The following BBS7 variants were observed in gnomAD, a reference collection of about 807,000 sequenced individuals.
BBS7 encodes the protein Bardet-Biedl syndrome 7.
Under a neutral mutation model 90.3 loss-of-function variants are expected in BBS7, and 50 were observed. The observed-to-expected ratio is 0.55, with a 90% CI of 0.44 to 0.70. The LOEUF (loss-of-function observed/expected upper bound fraction) is 0.70. BBS7 is among the 30% of genes least tolerant of loss of function. The pLI, the probability that BBS7 is intolerant of heterozygous loss-of-function variation, is 0.00. For missense variants in BBS7, 729 were observed against 838.9 expected (o/e 0.87, Z 1.62); for synonymous variants, 235 against 287.4 (o/e 0.82, Z 1.85).
rs548020763 is a variant in BBS7 at position 121,825,987 on chromosome 4, A to G, written c.2021T>C (p.Ile674Thr). Residue 674 changes from isoleucine (I) to threonine (T), a missense_variant, in exon 19 of 19, where the codon ATC becomes ACC. Transcript: ENST00000264499. Reference protein sequence around the residue: ...PAHLERLYGMITDLFIDKFKF... With the variant: ...PAHLERLYGMTTDLFIDKFKF... Reference sequence around the variant, plus strand: ...AAATTTATCTATGAAAAGATCAGTGATCATGCCTTTAAAGAAAAAACATAA... The same window carrying G: ...AAATTTATCTATGAAAAGATCAGTGGTCATGCCTTTAAAGAAAAAACATAA... 5.0e-6 allele frequency: 8 copies of G among 1,597,568 alleles called. No individual in the cohort carries two copies. The highest frequency in any genetic ancestry group is 2.2e-5 in the South Asian group (2 of 90,672).
At chr4:121,864,808 A>G (rs1433202283) in intron 2 of BBS7, among the ~76,000 whole-genome samples, 1 of 152,174 alleles carries the variant, frequency 6.6e-6, no homozygotes, top group Non-Finnish European at 1.5e-5. Context: ...TTCGTGGGGT[A>G]CATAGCAATG....
At chr4:121,843,095 G>C (rs2149065864) in intron 12 of BBS7, among the ~76,000 whole-genome samples, 1 of 152,258 alleles carries the variant, frequency 6.6e-6, no homozygotes, top group Middle Eastern at 3.4e-3. Context: ...AAGAACTTCA[G>C]TTTGGCAGAA....
At chr4:121,865,817 C>T (rs1727237520) in intron 2 of BBS7, among the ~76,000 whole-genome samples, 1 of 152,184 alleles carries the variant, frequency 6.6e-6, no homozygotes, top group Non-Finnish European at 1.5e-5. Flanking sequence ...GATGTACTAT[C>T]CCACCAATGG....
At chr4:121,859,856 T>C (rs1227106394) in intron 4 of BBS7, among the ~76,000 whole-genome samples, 1 of 152,112 alleles carries the variant, frequency 6.6e-6, no homozygotes. Flanking sequence ...ATTTAGTCAA[T>C]AGTCATAACT....
At chr4:121,843,870 C>G (rs975595930) in intron 12 of BBS7, 57 bp downstream of exon 12, 1 of 1,171,942 alleles carries the variant, frequency 8.5e-7, no homozygotes, top group Non-Finnish European at 1.3e-6. Flanking sequence ...AGACTTTAAT[C>G]AAAATGGCAT....
At chr4:121,833,812 G>A (rs978870023) in intron 14 of BBS7, among the ~76,000 whole-genome samples, 2 of 151,660 alleles carry the variant, frequency 1.3e-5, no homozygotes, top group African/African-American at 4.8e-5. Context: ...CAAAGTGCTG[G>A]GATTACAGGT....
rs7694815 is a variant in BBS7, at chr4:121,855,300, C to T, written c.601+189G>A. ...GCCAGCCTGGGAGACAGAGTGAGACCCTGCCCCCCAGCCCCCCAAAAAAGA... is the reference window on the plus strand; with the variant it reads ...GCCAGCCTGGGAGACAGAGTGAGACTCTGCCCCCCAGCCCCCCAAAAAAGA... On this transcript the variant is annotated intron_variant, in intron 6 of 18. Transcript: ENST00000264499. The T allele has an allele frequency of 0.058, 32,523 of 562,332 alleles. 4,537 individuals carry two copies. Among genetic ancestry groups the T allele is most frequent in the African/African-American group, 0.4 (21,078 of 53,138 alleles). The allele number at this position is 562,332 out of a possible 1,614,324, so 34.8% of individuals were successfully genotyped here. A position where few individuals can be genotyped will look rare whatever the true frequency, so the allele number is the denominator to read the frequency against.
intron 10 of BBS7, 139 bp from the exon 11 acceptor site, chr4:121,845,835 G>A: frequency 1.3e-6 from 1 of 758,922 alleles, no homozygotes; most frequent in Non-Finnish European, 2.1e-6. Context: ...AACAAAGGGA[G>A]CAAAATTTTT....
At chr4:121,866,329 C>CT (rs575650962) in intron 2 of BBS7, among the ~76,000 whole-genome samples, 4 of 151,792 alleles carry the variant, frequency 2.6e-5, no homozygotes, top group African/African-American at 9.7e-5. Context: ...ACATTTAGGT[C>CT]TTTTTTTGTT....
Position 121,865,232 on chromosome 4 carries a change from CT to C in BBS7, c.103-1954del, listed in dbSNP as rs1186104901. ...TTACTGCAAATGATAGGATTTCATTCTTCTCTCTCTTTTTTTTTTTTTTGAG... is the reference window on the plus strand; with the variant it reads ...TTACTGCAAATGATAGGATTTCATTCTCTCTCTCTTTTTTTTTTTTTTGAG... On this transcript the variant is annotated intron_variant, in intron 2 of 18. Transcript: ENST00000264499. Among the ~76,000 whole-genome samples the C allele has an allele frequency of 3.1e-5, 4 of 129,102 alleles. No homozygotes were observed. In the East Asian group the frequency reaches 9.2e-4, roughly 30 times the overall value. 84.7% of individuals were successfully genotyped at this position (129,102 alleles called of 152,430 possible). A position where few individuals can be genotyped will look rare whatever the true frequency, so the allele number is the denominator to read the frequency against.
intron 1 of BBS7, among the ~76,000 whole-genome samples, chr4:121,869,617 C>A (rs1727474147): frequency 6.6e-6 from 1 of 152,182 alleles, no homozygotes; most frequent in African/African-American, 2.4e-5. Flanking sequence ...CAGCTCACTG[C>A]AGCCTCCGCC....
chr4:121,833,288 C>T lies in BBS7; in HGVS notation c.1619G>A (p.Cys540Tyr). The change falls in exon 15 of 19, where the codon TGT becomes TAT. Residue 540 changes from cysteine to tyrosine, a missense_variant. Coordinates refer to ENST00000264499, the MANE Select transcript of BBS7 (RefSeq NM_176824.3). ...GGTGTTCTGAAAGTAAAATGTCACACATTCTCCTGCTGGAGGTTTTTCTGG... is the reference window on the plus strand; with the variant it reads ...GGTGTTCTGAAAGTAAAATGTCACATATTCTCCTGCTGGAGGTTTTTCTGG... Reference protein sequence around the residue: ...EVPEKPPAGECVTFYFQNTFL... With the variant: ...EVPEKPPAGEYVTFYFQNTFL... The T allele has an allele frequency of 6.2e-7, 1 of 1,614,000 alleles. No individual in the cohort carries two copies. The highest frequency in any genetic ancestry group is 2.2e-5 in the East Asian group (1 of 44,844).
chr4:121,828,437 A>G lies in BBS7; in HGVS notation c.1855T>C (p.Leu619=). The G allele has an allele frequency of 6.2e-7, 1 of 1,613,968 alleles. No homozygotes were observed. The highest frequency in any genetic ancestry group is 2.2e-5 in the East Asian group (1 of 44,818). The change falls in exon 17 of 19, where the codon TTG becomes CTG. Residue 619 remains leucine, a synonymous_variant. Transcript: ENST00000264499. ...IHPKLEYQLL[L]AKKVQLIDAL... ...TCAATTAACTGCACTTTCTTAGCCAAAAGCAACTGGTACTCCAGCTTTGGG... is the reference window on the plus strand; with the variant it reads ...TCAATTAACTGCACTTTCTTAGCCAGAAGCAACTGGTACTCCAGCTTTGGG...
In BBS7 at chr4:121,824,844, TAAG is replaced by T. The variant is rs1724834197; in HGVS notation, c.*1013_*1015del. On this transcript the variant is annotated 3_prime_UTR_variant, in exon 19 of 19. Transcript: ENST00000264499. This position sits in a 1 kb window ranked among gnomAD's most constrained non-coding sequence, Gnocchi z 4.1. The stretch of plus-strand genomic sequence containing the variant: ...ACTAATAAGTATAATAGCATATCAT[TAAG>T]AAGCACTGTTTTCTAAAAAATTCGT... 1 of 152,136 alleles carries T rather than the reference TAAG, an allele frequency of 6.6e-6. No individual in the cohort carries two copies. The highest frequency in any genetic ancestry group is 1.5e-5 in the Non-Finnish European group (1 of 68,014). The allele number at this position is 152,136 out of a possible 1,614,324, so 9.4% of individuals were successfully genotyped here.
intron 13 of BBS7, among the ~76,000 whole-genome samples, chr4:121,835,704 AT>A (rs1725418702): frequency 6.6e-6 from 1 of 152,182 alleles, no homozygotes; most frequent in Admixed American, 6.5e-5. Flanking sequence ...ATAAACTTAT[AT>A]TTTGGTGTTG....
In BBS7 at chr4:121,859,006, G is replaced by A. The variant is rs768591410; in HGVS notation, c.514C>T (p.Leu172Phe). The A allele has an allele frequency of 1.2e-6, 2 of 1,613,468 alleles. No individual in the cohort carries two copies. Among genetic ancestry groups the A allele is most frequent in the African/African-American group, 1.3e-5 (1 of 74,846 alleles). The change falls in exon 5 of 19, where the codon CTC (leucine) becomes TTC (phenylalanine). Residue 172 changes from leucine (L) to phenylalanine (F), a missense_variant. Physicochemically the swap from Leu to Phe is conservative, Grantham distance 22. Transcript: ENST00000264499. Reference sequence around the variant, plus strand: ...ATAACAGCAACCTGTAAAACTCTGAGCACTCTGTCCTGGCAGGCCAATACA... The same window carrying A: ...ATAACAGCAACCTGTAAAACTCTGAACACTCTGTCCTGGCAGGCCAATACA... Reference protein sequence around the residue: ...TPVLACQDRVLRVLQGSDVMY... With the variant: ...TPVLACQDRVFRVLQGSDVMY...
In BBS7 at chr4:121,848,940, T is replaced by C. The variant is rs948755626; in HGVS notation, c.850-12A>G. 3.1e-6 allele frequency: 5 copies of C among 1,610,158 alleles called. No homozygotes were observed. In the African/African-American group the frequency reaches 6.7e-5, roughly 22 times the overall value. ...CTTTCAGACAACATCTAAAAAAGTT[T>C]AAGACCAAGCACTTCATTAGTAACT... On this transcript the variant is annotated splice_polypyrimidine_tract_variant and intron_variant, in intron 8 of 18. Transcript: ENST00000264499.
chr4:121,832,009 A>AACACACACAC (rs375865529), intron 15 of BBS7, among the ~76,000 whole-genome samples: 2,584 of 142,818 alleles, frequency 0.018, 77 homozygotes, highest in African/African-American at 0.056. Flanking sequence ...AAAAAACAAA[A>AACACACACAC]ACACACACAC....
chr4:121,842,410 G>A (rs1480871980), intron 12 of BBS7, among the ~76,000 whole-genome samples: 1 of 151,962 alleles, frequency 6.6e-6, no homozygotes, highest in Non-Finnish European at 1.5e-5. Context: ...TGAGGTGGGA[G>A]GATCACTTAG....
Sources: allele counts gnomAD v4.1 joint callset (sites outside exome capture counted in the v4.1 genomes callset), GRCh38; gene constraint gnomAD v4.1.1; non-coding constraint Gnocchi (gnomAD v3.1); transcripts MANE v1.5; gene names NCBI Gene and HGNC (gene_info 2026-07-23, HGNC 2026-07-21).